The following PRKAG2 variants were observed in gnomAD, a reference collection of about 807,000 sequenced individuals.
PRKAG2 encodes protein kinase AMP-activated non-catalytic subunit gamma 2, also known as 5'-AMP-activated protein kinase subunit gamma-2.
In PRKAG2, 26 loss-of-function variants were observed where a neutral mutation model predicts 69.6. The ratio of observed to expected loss-of-function variants is 0.37; its 90% CI spans 0.27 to 0.52. The LOEUF (loss-of-function observed/expected upper bound fraction) is 0.52. PRKAG2 is among the 20% of genes least tolerant of loss of function. PRKAG2 has a pLI of 0.90. For synonymous variants in PRKAG2, 293 were observed against 285.0 expected, an observed-to-expected ratio of 1.03 and a Z score of -0.28; for missense variants, 557 against 740.0, an observed-to-expected ratio of 0.75 and a Z score of 2.87.
chr7:151,824,755 G>A (rs933420838), intron 1 of PRKAG2, among the ~76,000 whole-genome samples: 11 of 152,164 alleles, frequency 7.2e-5, no homozygotes, highest in African/African-American at 7.2e-5. Context: ...CAGCAGTAGC[G>A]AGAAATGCAC....
At chr7:151,631,730 G>C (rs1404335079) in intron 5 of PRKAG2, 1 of 464,632 alleles carries the variant, frequency 2.2e-6, no homozygotes, top group Non-Finnish European at 4.3e-6. Flanking sequence ...CCGAGTGCAT[G>C]GTGACAAGCA....
chr7:151,650,721 G>A (rs750700951), intron 4 of PRKAG2, among the ~76,000 whole-genome samples: 1 of 152,184 alleles, frequency 6.6e-6, no homozygotes, highest in African/African-American at 2.4e-5. Context: ...CATCAACAAG[G>A]CAGTGGCAAA....
At chr7:151,724,069 A>T (rs1797539680) in intron 3 of PRKAG2, among the ~76,000 whole-genome samples, 1 of 152,164 alleles carries the variant, frequency 6.6e-6, no homozygotes, top group African/African-American at 2.4e-5. Context: ...CCTTAGGCAT[A>T]TTCCTACACC....
At chr7:151,579,269 G>A (rs1404027297) in intron 6 of PRKAG2, among the ~76,000 whole-genome samples, 1 of 152,202 alleles carries the variant, frequency 6.6e-6, no homozygotes, top group Admixed American at 6.5e-5. Context: ...TGATCCTCCT[G>A]TCTTGGCCTC....
intron 3 of PRKAG2, among the ~76,000 whole-genome samples, chr7:151,681,633 C>A (rs963606599): frequency 2.6e-5 from 4 of 151,868 alleles, no homozygotes; most frequent in Admixed American, 1.3e-4. Flanking sequence ...AGGGCTTACA[C>A]ACTCTGGCCC....
At chr7:151,681,815 T>C (rs904403914) in intron 3 of PRKAG2, among the ~76,000 whole-genome samples, 9 of 151,814 alleles carry the variant, frequency 5.9e-5, no homozygotes, top group African/African-American at 2.2e-4. Context: ...AGAAAGAACA[T>C]GAAGACTTAA....
intron 3 of PRKAG2, among the ~76,000 whole-genome samples, chr7:151,757,677 C>G (rs2075175078): frequency 6.6e-6 from 1 of 152,184 alleles, no homozygotes; most frequent in Non-Finnish European, 1.5e-5. Flanking sequence ...TAAGAACCCC[C>G]CAAACCAGAC....
intron 3 of PRKAG2, among the ~76,000 whole-genome samples, chr7:151,718,283 G>GT (rs947483443): frequency 4.6e-5 from 7 of 151,954 alleles, no homozygotes; most frequent in Non-Finnish European, 5.9e-5. Flanking sequence ...GGTGGAGGGG[G>GT]GGGTAGAGCT....
chr7:151,650,766 G>C (rs1178401616), intron 4 of PRKAG2, among the ~76,000 whole-genome samples: 2 of 152,200 alleles, frequency 1.3e-5, no homozygotes, highest in Admixed American at 1.3e-4. Context: ...GAGAAGGCCA[G>C]TGTCACTTAA....
At chr7:151,726,243 G>A (rs745949125) in intron 3 of PRKAG2, among the ~76,000 whole-genome samples, 2 of 152,102 alleles carry the variant, frequency 1.3e-5, no homozygotes, top group African/African-American at 4.8e-5. Flanking sequence ...ACTACCAGGT[G>A]AGGCAAAGCA....
intron 3 of PRKAG2, among the ~76,000 whole-genome samples, chr7:151,755,194 C>T (rs896417753): frequency 2.6e-5 from 4 of 152,128 alleles, no homozygotes; most frequent in African/African-American, 9.7e-5. Context: ...TGCTCCTTAG[C>T]TGAGGGCCAT....
chr7:151,564,617 C>T (rs764323809), intron 13 of PRKAG2, among the ~76,000 whole-genome samples: 5 of 152,092 alleles, frequency 3.3e-5, no homozygotes, highest in Non-Finnish European at 7.3e-5. Context: ...GCTGCAGCAA[C>T]GGACCTTCTC....
chr7:151,777,225 T>C lies in PRKAG2; in HGVS notation c.466+3927A>G, dbSNP rs1442931544. On this transcript the variant is annotated intron_variant, in intron 3 of 15. Coordinates refer to ENST00000287878, the MANE Select transcript of PRKAG2 (RefSeq NM_016203.4). This position sits in a 1 kb window ranked among gnomAD's most constrained non-coding sequence, Gnocchi z 4.3. Reference sequence around the variant, plus strand: ...AGCTCTTCACTGCGGCAGCACCCCATGTGGACACCAGCAGAGTCATCCCCA... The same window carrying C: ...AGCTCTTCACTGCGGCAGCACCCCACGTGGACACCAGCAGAGTCATCCCCA... Among the ~76,000 whole-genome samples, 1 of 152,166 alleles carries C rather than the reference T, an allele frequency of 6.6e-6. No homozygotes were observed. The highest frequency in any genetic ancestry group is 1.5e-5 in the Non-Finnish European group (1 of 68,028).
At chr7:151,794,330 C>T (rs1217598959) in intron 1 of PRKAG2, among the ~76,000 whole-genome samples, 1 of 152,272 alleles carries the variant, frequency 6.6e-6, no homozygotes, top group Non-Finnish European at 1.5e-5. Context: ...CAGGAGACCT[C>T]GACCCTCCCC....
chr7:151,622,456 C>A (rs1821760699), intron 5 of PRKAG2, among the ~76,000 whole-genome samples: 1 of 152,202 alleles, frequency 6.6e-6, no homozygotes, highest in Non-Finnish European at 1.5e-5. Context: ...AAACCATTGG[C>A]AGAGCCATTA....
intron 4 of PRKAG2, among the ~76,000 whole-genome samples, chr7:151,672,685 C>T (rs1156321494): frequency 5.9e-5 from 9 of 152,130 alleles, no homozygotes; most frequent in Admixed American, 3.9e-4. Context: ...AGGGCCCCTC[C>T]GTGTCACTCC....
chr7:151,557,031 G>A lies in PRKAG2; in HGVS notation c.*170C>T, dbSNP rs1345559266. ...TTTTAATGCAAGCCTGAATCTTCAA[G>A]CACATAAAATCTTTCTTTTTTAAGC... On this transcript the variant is annotated 3_prime_UTR_variant, in exon 16 of 16. Coordinates refer to ENST00000287878, the MANE Select transcript of PRKAG2 (RefSeq NM_016203.4). The A allele has an allele frequency of 4.7e-5, 52 of 1,102,252 alleles. No individual in the cohort carries two copies. The highest frequency in any genetic ancestry group is 6.6e-5 in the Non-Finnish European group (50 of 755,330). The allele number at this position is 1,102,252 out of a possible 1,614,324, so 68.3% of individuals were successfully genotyped here.
intron 1 of PRKAG2, among the ~76,000 whole-genome samples, chr7:151,797,227 A>ACCCCCCCC (rs55815832): frequency 2.3e-5 from 3 of 132,852 alleles, no homozygotes; most frequent in Admixed American, 7.6e-5. Flanking sequence ...GCTTCTTGCC[A>ACCCCCCCC]CCCCCCCCAC....
chr7:151,848,752 T>C (rs1457898214), intron 1 of PRKAG2, among the ~76,000 whole-genome samples: 1 of 152,114 alleles, frequency 6.6e-6, no homozygotes, highest in Non-Finnish European at 1.5e-5. Context: ...CTCAAACTCC[T>C]GACCTCAGGT....
Sources: allele counts gnomAD v4.1 joint callset (sites outside exome capture counted in the v4.1 genomes callset), GRCh38; gene constraint gnomAD v4.1.1; non-coding constraint Gnocchi (gnomAD v3.1); transcripts MANE v1.5; gene names NCBI Gene and HGNC (gene_info 2026-07-23, HGNC 2026-07-21).